The following BRIP1 variants were observed in gnomAD, a reference collection of about 807,000 sequenced individuals.
BRIP1 encodes Fanconi anemia group J protein.
BRIP1 carries 88 observed loss-of-function variants against 119.7 expected under a neutral mutation model. The observed-to-expected ratio is 0.74, with a 90% CI of 0.62 to 0.88. The LOEUF (loss-of-function observed/expected upper bound fraction) is 0.88, where lower values mean the gene tolerates loss of function less well. BRIP1 is among the 40% of genes least tolerant of loss of function. BRIP1 has a pLI of 0.00. For synonymous variants in BRIP1, 443 were observed against 496.5 expected (o/e 0.89, Z 1.43); for missense variants, 1,259 against 1,455.4 (o/e 0.87, Z 2.20).
intron 6 of BRIP1, among the ~76,000 whole-genome samples, chr17:61,818,037 A>C (rs976991849): frequency 2.6e-5 from 4 of 152,078 alleles, no homozygotes; most frequent in Non-Finnish European, 5.9e-5. Context: ...TAAATAAGTG[A>C]GAATAACCAA....
At position 61,734,834 on chromosome 17, in the gene BRIP1, AT is replaced by A. The variant is rs1216839360; in HGVS notation, c.2379+8178del. Reference sequence around the variant, plus strand: ...AAATTTAAGAAAAAATTTTAGTATCATAAAATTAATGTCACTGCCTTCTTTT... The same window carrying A: ...AAATTTAAGAAAAAATTTTAGTATCAAAAATTAATGTCACTGCCTTCTTTT... On this transcript the variant is annotated intron_variant, in intron 16 of 19. Coordinates refer to ENST00000259008, the MANE Select transcript of BRIP1 (RefSeq NM_032043.3). The surrounding 1 kb of genome is among the most constrained non-coding windows in gnomAD (Gnocchi z 5.2). Among the ~76,000 whole-genome samples the A allele has an allele frequency of 1.4e-4, 22 of 152,354 alleles. No homozygotes were observed. Among genetic ancestry groups the A allele is most frequent in the Admixed American group, 6.5e-4 (10 of 15,300 alleles).
At chr17:61,771,518 T>G (rs2077447821) in intron 14 of BRIP1, among the ~76,000 whole-genome samples, 2 of 152,194 alleles carry the variant, frequency 1.3e-5, no homozygotes, top group Non-Finnish European at 2.9e-5. Flanking sequence ...ATACTACACT[T>G]TATACCCATT....
Position 61,814,902 on chromosome 17 carries a change from G to T in BRIP1, c.628-6145C>A, listed in dbSNP as rs1389894311. 6.6e-6 allele frequency among the ~76,000 whole-genome samples: 1 copy of T among 151,962 alleles called. No individual in the cohort carries two copies. The highest frequency in any genetic ancestry group is 1.5e-5 in the Non-Finnish European group (1 of 67,920). On this transcript the variant is annotated intron_variant, in intron 6 of 19. Coordinates refer to ENST00000259008, the MANE Select transcript of BRIP1 (RefSeq NM_032043.3). This position sits in a 1 kb window ranked among gnomAD's most constrained non-coding sequence, Gnocchi z 4.9. ...GAAAATATATGAATGACAGTTGTAT[G>T]CATCGACATCGATAAACATGAACAA...
chr17:61,719,030 A>T lies in BRIP1; in HGVS notation c.2380-2967T>A, dbSNP rs142253918. Among the ~76,000 whole-genome samples the T allele has an allele frequency of 3.9e-3, 592 of 152,242 alleles. 3 individuals are homozygous for T. Among genetic ancestry groups the T allele is most frequent in the African/African-American group, 0.013 (522 of 41,554 alleles). ...TTCAGTACAGAAGCAATTTTTTTTC[A>T]AATATTTTTGATTCACACTTAGGTG... On this transcript the variant is annotated intron_variant, in intron 16 of 19. Coordinates refer to ENST00000259008, the MANE Select transcript of BRIP1 (RefSeq NM_032043.3).
In BRIP1 at chr17:61,805,954, AT is replaced by A. The variant is rs2078067808; in HGVS notation, c.918+2512del. Among the ~76,000 whole-genome samples the A allele has an allele frequency of 6.6e-6, 1 of 152,204 alleles. No individual in the cohort carries two copies. Among genetic ancestry groups the A allele is most frequent in the Non-Finnish European group, 1.5e-5 (1 of 68,042 alleles). ...GTCATTCCTGACTCTAGTTAAAATT[AT>A]TTTTTCTTAACTGAAACAAAAATTA... On this transcript the variant is annotated intron_variant, in intron 7 of 19. Coordinates refer to ENST00000259008, the MANE Select transcript of BRIP1 (RefSeq NM_032043.3). This position sits in a 1 kb window ranked among gnomAD's most constrained non-coding sequence, Gnocchi z 5.6.
In BRIP1 at chr17:61,853,807, A is replaced by C. The variant is rs2078856464; in HGVS notation, c.379+3251T>G. Among the ~76,000 whole-genome samples, 1 of 152,244 alleles carries C rather than the reference A, an allele frequency of 6.6e-6. No homozygotes were observed. Among genetic ancestry groups the C allele is most frequent in the South Asian group, 2.1e-4 (1 of 4,830 alleles). On this transcript the variant is annotated intron_variant, in intron 4 of 19. Transcript: ENST00000259008. The surrounding 1 kb of genome is among the most constrained non-coding windows in gnomAD (Gnocchi z 4.3). ...CTATCTGATCAAAGACTTGTATTCA[A>C]AATGTTTAAAGAAGTCTCAAAATTT...
At chr17:61,855,172 G>A (rs1450380050) in intron 4 of BRIP1, among the ~76,000 whole-genome samples, 2 of 152,100 alleles carry the variant, frequency 1.3e-5, no homozygotes, top group Non-Finnish European at 2.9e-5. Flanking sequence ...TTTTGGGAAA[G>A]TGAGCATGTT....
In BRIP1 at chr17:61,720,510, G is replaced by A. The variant is rs1196593085; in HGVS notation, c.2380-4447C>T. ...TCTGCAGTGGTTTAAGTTAACTGCG[G>A]TCAACTGTGGTCCAAAAATATTAAA... On this transcript the variant is annotated intron_variant, in intron 16 of 19. Transcript: ENST00000259008. The surrounding 1 kb of genome is among the most constrained non-coding windows in gnomAD (Gnocchi z 4.3). Among the ~76,000 whole-genome samples the A allele has an allele frequency of 6.6e-6, 1 of 152,128 alleles. No homozygotes were observed. The highest frequency in any genetic ancestry group is 2.4e-5 in the African/African-American group (1 of 41,436).
Position 61,696,965 on chromosome 17 carries a change from A to C in BRIP1, c.2493-3453T>G, listed in dbSNP as rs1365223377. On this transcript the variant is annotated intron_variant, in intron 17 of 19. Coordinates refer to ENST00000259008, the MANE Select transcript of BRIP1 (RefSeq NM_032043.3). ...TGCGCCGCTGTACTCCAGCCTGGGC[A>C]ACAGATAGAGACTCTGTCTCAAAAA... Among the ~76,000 whole-genome samples the C allele has an allele frequency of 7.0e-5, 10 of 143,584 alleles. No individual in the cohort carries two copies. The East Asian group carries it at 1.9e-3, about 27-fold the overall frequency. The allele number at this position is 143,584 out of a possible 152,430, so 94.2% of individuals were successfully genotyped here. A position where few individuals can be genotyped will look rare whatever the true frequency, so the allele number is the denominator to read the frequency against.
chr17:61,692,842 A>T (rs931785518), intron 18 of BRIP1, among the ~76,000 whole-genome samples: 5 of 152,222 alleles, frequency 3.3e-5, no homozygotes, highest in African/African-American at 9.6e-5. Flanking sequence ...TAGAACTATG[A>T]TGATTCGCCA....
At chr17:61,763,381 A>T (rs1403193825) in intron 14 of BRIP1, among the ~76,000 whole-genome samples, 5 of 152,082 alleles carry the variant, frequency 3.3e-5, no homozygotes, top group East Asian at 3.9e-4. Context: ...TTTTGCTGTG[A>T]ACCTAAAACT....
intron 6 of BRIP1, among the ~76,000 whole-genome samples, chr17:61,821,562 TTCTGTTGCCCAGGCTGGAG>T (rs1247757871): frequency 7.2e-5 from 11 of 151,932 alleles, no homozygotes; most frequent in Non-Finnish European, 1.2e-4. Context: ...CAGGGTCTCA[TTCTGTTGCCCAGGCTGGAG>T]TACAGTGATA....
rs1362422101 is a variant in BRIP1, at chr17:61,761,927, C to A, written c.2097+14474G>T. On this transcript the variant is annotated intron_variant, in intron 14 of 19. Coordinates refer to ENST00000259008, the MANE Select transcript of BRIP1 (RefSeq NM_032043.3). This position sits in a 1 kb window ranked among gnomAD's most constrained non-coding sequence, Gnocchi z 6.4. ...AAAGAATCCTAAATTTCATATAGAG[C>A]CACAAGAAGCTTTGAATAGCCATGG... is the stretch of plus-strand genomic sequence containing the variant. 6.6e-6 allele frequency among the ~76,000 whole-genome samples: 1 copy of A among 151,842 alleles called. No individual in the cohort carries two copies. Among genetic ancestry groups the A allele is most frequent in the Admixed American group, 6.6e-5 (1 of 15,222 alleles).
Position 61,781,419 on chromosome 17 carries a change from C to G in BRIP1, c.1629-414G>C, listed in dbSNP as rs547666646. Among the ~76,000 whole-genome samples, 4 of 152,240 alleles carry G rather than the reference C, an allele frequency of 2.6e-5. No homozygotes were observed. In the South Asian group the frequency reaches 8.3e-4, roughly 32 times the overall value. ...TAAAGAGACTAAAAGGTGGGTTATA[C>G]TTTTTTATTAAATGAGAAAATAGAA... On this transcript the variant is annotated intron_variant, in intron 11 of 19. Coordinates refer to ENST00000259008, the MANE Select transcript of BRIP1 (RefSeq NM_032043.3).
At position 61,730,719 on chromosome 17, in the gene BRIP1, T is replaced by G. The variant is rs925168075; in HGVS notation, c.2379+12294A>C. Among the ~76,000 whole-genome samples the G allele has an allele frequency of 6.6e-6, 1 of 152,178 alleles. No homozygotes were observed. The highest frequency in any genetic ancestry group is 2.4e-5 in the African/African-American group (1 of 41,446). ...GGCTTTATGTATTTATTTATTTATT[T>G]TTTGCTAAGGAAATACAATGACATG... On this transcript the variant is annotated intron_variant, in intron 16 of 19. Transcript: ENST00000259008. The surrounding 1 kb of genome is among the most constrained non-coding windows in gnomAD (Gnocchi z 4.3).
intron 17 of BRIP1, among the ~76,000 whole-genome samples, chr17:61,714,568 T>C (rs1399930916): frequency 6.6e-6 from 1 of 152,172 alleles, no homozygotes; most frequent in Non-Finnish European, 1.5e-5. Flanking sequence ...GTACATTTTA[T>C]AATGTTCCCA....
intron 6 of BRIP1, among the ~76,000 whole-genome samples, chr17:61,818,335 G>A (rs1323929930): frequency 6.6e-6 from 1 of 152,132 alleles, no homozygotes; most frequent in East Asian, 1.9e-4. Flanking sequence ...TATATCCCCT[G>A]CTGAAAGGCT....
At chr17:61,771,312 G>GA (rs2077444680) in intron 14 of BRIP1, among the ~76,000 whole-genome samples, 1 of 152,140 alleles carries the variant, frequency 6.6e-6, no homozygotes, top group Non-Finnish European at 1.5e-5. Flanking sequence ...TTTGGGGTCA[G>GA]AAAAATATTC....
intron 6 of BRIP1, among the ~76,000 whole-genome samples, chr17:61,838,936 A>C (rs2078618057): frequency 6.6e-6 from 1 of 152,084 alleles, no homozygotes; most frequent in East Asian, 1.9e-4. Flanking sequence ...ATACACATGA[A>C]ACTATTTTTC....
Sources: allele counts gnomAD v4.1 joint callset (sites outside exome capture counted in the v4.1 genomes callset), GRCh38; gene constraint gnomAD v4.1.1; non-coding constraint Gnocchi (gnomAD v3.1); transcripts MANE v1.5; gene names NCBI Gene and HGNC (gene_info 2026-07-23, HGNC 2026-07-21).